The following WDPCP variants were observed in gnomAD, a reference collection of about 807,000 sequenced individuals.
The protein encoded by WDPCP is WD repeat-containing and planar cell polarity effector protein fritz homolog.
Under a neutral mutation model 93.1 loss-of-function variants are expected in WDPCP, and 71 were observed. The observed-to-expected ratio is 0.76, with a 90% CI of 0.63 to 0.93. The LOEUF (loss-of-function observed/expected upper bound fraction) is 0.93. Ranked by LOEUF, WDPCP falls within the 40% of genes least tolerant of loss-of-function variation. The probability of loss-of-function intolerance (pLI) is 0.00; values close to 1 mark genes in which losing one functional copy is unlikely to be tolerated. For missense variants in WDPCP, 844 were observed against 887.4 expected, an observed-to-expected ratio of 0.95 and a Z score of 0.62; for synonymous variants, 315 against 315.0, an observed-to-expected ratio of 1.00 and a Z score of 0.00.
chr2:63,773,912 G>C (rs1670266295), intron 2 of WDPCP, among the ~76,000 whole-genome samples: 1 of 151,932 alleles, frequency 6.6e-6, no homozygotes, highest in African/African-American at 2.4e-5. Flanking sequence ...CTGTCCACAA[G>C]GAGCAGCAAA....
At chr2:63,428,974 A>C (rs1391081086) in intron 9 of WDPCP, among the ~76,000 whole-genome samples, 1 of 152,164 alleles carries the variant, frequency 6.6e-6, no homozygotes, top group Non-Finnish European at 1.5e-5. Flanking sequence ...TGCCCAAAGC[A>C]ACCTAGAGAT....
chr2:63,197,146 AC>A (rs1675498556), intron 14 of WDPCP, among the ~76,000 whole-genome samples: 1 of 151,286 alleles, frequency 6.6e-6, no homozygotes, highest in Non-Finnish European at 1.5e-5. Context: ...AGCAATACCC[AC>A]CCCTCCTCTT....
chr2:63,519,816 A>G (rs1702802111), intron 1 of WDPCP, among the ~76,000 whole-genome samples: 1 of 152,200 alleles, frequency 6.6e-6, no homozygotes, highest in East Asian at 1.9e-4. Context: ...TGGCAACTCA[A>G]AAAAACAGTG....
chr2:63,364,129 C>T (rs1690705179), intron 12 of WDPCP, among the ~76,000 whole-genome samples: 2 of 152,162 alleles, frequency 1.3e-5, no homozygotes, highest in South Asian at 4.1e-4. Flanking sequence ...GTGGATTGCT[C>T]AACACCATGA....
At chr2:63,552,678 T>C (rs1280820635) in intron 1 of WDPCP, among the ~76,000 whole-genome samples, 2 of 152,140 alleles carry the variant, frequency 1.3e-5, no homozygotes, top group African/African-American at 4.8e-5. Flanking sequence ...TAATACAGGA[T>C]ATTTGATAGG....
At position 63,605,781 on chromosome 2, in the gene WDPCP, G is replaced by A. The variant is rs574815961; in HGVS notation, n.488+44878C>T. On this transcript the variant is annotated intron_variant and non_coding_transcript_variant, in intron 3 of 4. Transcript: ENST00000467687. The stretch of plus-strand genomic sequence containing the variant: ...GTGGAATGAAATAATATCCATGAAA[G>A]TTACCTTGTCACCAGTACCTGGTGC... 11 of 662,502 alleles carry A rather than the reference G, an allele frequency of 1.7e-5. No homozygotes were observed. The East Asian group carries it at 2.6e-4, about 16-fold the overall frequency. The allele number at this position is 662,502 out of a possible 1,614,324, so 41.0% of individuals were successfully genotyped here.
intron 2 of WDPCP, among the ~76,000 whole-genome samples, chr2:63,679,377 G>A (rs888699904): frequency 1.3e-5 from 2 of 152,086 alleles, no homozygotes; most frequent in Admixed American, 1.3e-4. Flanking sequence ...CATGACACAC[G>A]GAGCTGTCAG....
At chr2:63,631,513 C>A (rs1035323392) in intron 3 of WDPCP, among the ~76,000 whole-genome samples, 3 of 151,854 alleles carry the variant, frequency 2.0e-5, no homozygotes, top group Non-Finnish European at 2.9e-5. Flanking sequence ...ATGATGTCAG[C>A]AAGATGGAGG....
intron 12 of WDPCP, among the ~76,000 whole-genome samples, chr2:63,342,729 C>A (rs1307548160): frequency 6.6e-6 from 1 of 152,056 alleles, no homozygotes; most frequent in South Asian, 2.1e-4. Flanking sequence ...ATTATTGTTT[C>A]ATGTATTAAT....
chr2:63,830,300 T>A (rs191380868), upstream of WDPCP, among the ~76,000 whole-genome samples: 38 of 152,228 alleles, frequency 2.5e-4, no homozygotes, highest in Non-Finnish European at 3.5e-4. Context: ...TGGAACCTCA[T>A]TACTGAGATC....
intron 1 of WDPCP, among the ~76,000 whole-genome samples, chr2:63,584,722 A>G (rs1023133635): frequency 6.6e-6 from 1 of 152,192 alleles, no homozygotes; most frequent in African/African-American, 2.4e-5. Flanking sequence ...TCCAGATATA[A>G]TGATCACTCT....
At chr2:63,622,671 C>T (rs1406749965) in intron 3 of WDPCP, 6 of 1,613,746 alleles carry the variant, frequency 3.7e-6, no homozygotes, top group South Asian at 3.3e-5. Context: ...GGTCAGGAGT[C>T]GCCGGGACAG....
intron 14 of WDPCP, among the ~76,000 whole-genome samples, chr2:63,219,264 T>A (rs527761569): frequency 1.3e-5 from 2 of 152,346 alleles, no homozygotes; most frequent in South Asian, 4.1e-4. Context: ...AATGACAGTT[T>A]ACAATTTACA....
rs1383685343 is a variant in WDPCP at position 63,614,919 on chromosome 2, C to T, written n.488+35740G>A. Among the ~76,000 whole-genome samples, 5 of 152,212 alleles carry T rather than the reference C, an allele frequency of 3.3e-5. 1 individual carries two copies. Among genetic ancestry groups the T allele is most frequent in the Non-Finnish European group, 7.3e-5 (5 of 68,036 alleles). On this transcript the variant is annotated intron_variant and non_coding_transcript_variant, in intron 3 of 4. Transcript: ENST00000467687. ...TCTTCATTGAACCTAAGCATAAAAA[C>T]AGACAATTTTCCCTAGGTTTGGGGA...
chr2:63,675,814 T>A (rs911526826), intron 2 of WDPCP, among the ~76,000 whole-genome samples: 6 of 152,242 alleles, frequency 3.9e-5, no homozygotes, highest in African/African-American at 7.2e-5. Context: ...TATGAAATAA[T>A]ATCATTTATT....
chr2:63,239,983 T>C (rs759869559), intron 14 of WDPCP, among the ~76,000 whole-genome samples: 1 of 152,196 alleles, frequency 6.6e-6, no homozygotes, highest in Admixed American at 6.6e-5. Context: ...TAGAATTTTA[T>C]AGTGCCTGAG....
intron 2 of WDPCP, among the ~76,000 whole-genome samples, chr2:63,699,605 G>T (rs981545132): frequency 4.6e-5 from 7 of 152,134 alleles, no homozygotes; most frequent in Admixed American, 3.9e-4. Context: ...GAGGAAGAGG[G>T]ATACCCAGAC....
At chr2:63,408,457 T>C (rs1253875807) in intron 9 of WDPCP, among the ~76,000 whole-genome samples, 1 of 152,076 alleles carries the variant, frequency 6.6e-6, no homozygotes, top group Non-Finnish European at 1.5e-5. Flanking sequence ...AAGCAGGCCA[T>C]TCCTAACCTG....
intron 17 of WDPCP, among the ~76,000 whole-genome samples, chr2:63,127,902 G>C (rs547719844): frequency 1.3e-5 from 2 of 152,092 alleles, no homozygotes; most frequent in African/African-American, 4.8e-5. Context: ...CACTTGGGAG[G>C]TCAAGGCGGC....
Sources: gnomAD v4.1 joint callset for allele counts (sites outside exome capture counted in the v4.1 genomes callset) on GRCh38, gnomAD v4.1.1 for gene constraint, MANE v1.5 for transcripts, NCBI Gene and HGNC (gene_info 2026-07-23, HGNC 2026-07-21) for gene names.